Variants in ZFAND3 observed in about 807,000 individuals in gnomAD.
ZFAND3 encodes AN1-type zinc finger protein 3.
A neutral mutation model predicts 29.6 loss-of-function variants in ZFAND3; 10 were observed. The ratio of observed to expected loss-of-function variants is 0.34; its 90% CI spans 0.21 to 0.57. The LOEUF (loss-of-function observed/expected upper bound fraction) is 0.57, where lower values mean the gene tolerates loss of function less well. Among genes scored for constraint, ZFAND3 ranks in the 20% least tolerant of loss-of-function variants. The probability of loss-of-function intolerance (pLI) is 0.86; values close to 1 mark genes in which losing one functional copy is unlikely to be tolerated. For missense variants in ZFAND3, 230 were observed against 304.5 expected, an observed-to-expected ratio of 0.76 and a Z score of 1.82; for synonymous variants, 128 against 112.6, an observed-to-expected ratio of 1.14 and a Z score of -0.87.
At chr6:38,105,672 A>G (rs1401226271) in intron 4 of ZFAND3, among the ~76,000 whole-genome samples, 1 of 152,186 alleles carries the variant, frequency 6.6e-6, no homozygotes. Context: ...GTGATGTTGT[A>G]CTAGAGTTCT....
At chr6:37,927,536 T>C (rs751758511) in intron 1 of ZFAND3, among the ~76,000 whole-genome samples, 1 of 152,246 alleles carries the variant, frequency 6.6e-6, no homozygotes, top group Non-Finnish European at 1.5e-5. Context: ...GCATCCATAC[T>C]AGTCATCTCT....
In ZFAND3 at chr6:38,154,177, G is replaced by A; in HGVS notation, c.*1788G>A. 7 of 985,628 alleles carry A rather than the reference G, an allele frequency of 7.1e-6. No homozygotes were observed. Among genetic ancestry groups the A allele is most frequent in the Non-Finnish European group, 8.4e-6 (7 of 830,058 alleles). The allele number at this position is 985,628 out of a possible 1,614,324, so 61.1% of individuals were successfully genotyped here. A position where few individuals can be genotyped will look rare whatever the true frequency, so the allele number is the denominator to read the frequency against. ...AAGCCACAGCCCTTGGCCACCATAC[G>A]GGCCATCCTCAGTGAGGCAGCCCCC... On this transcript the variant is annotated 3_prime_UTR_variant, in exon 6 of 6. Transcript: ENST00000287218.
chr6:38,153,214 G>A lies in ZFAND3; in HGVS notation c.*825G>A, dbSNP rs768329809. 7 of 985,364 alleles carry A rather than the reference G, an allele frequency of 7.1e-6. No homozygotes were observed. Among genetic ancestry groups the A allele is most frequent in the East Asian group, 2.3e-4 (2 of 8,828 alleles). 61.0% of individuals were successfully genotyped at this position (985,364 alleles called of 1,614,324 possible). On this transcript the variant is annotated 3_prime_UTR_variant, in exon 6 of 6. Transcript: ENST00000287218. ...CAGATGTGGCGAATGGCAGCACAGC[G>A]CGGTGGCTGGGTCTGCACACTGGCC...
At chr6:37,850,967 C>G (rs184161825) in intron 1 of ZFAND3, among the ~76,000 whole-genome samples, 1 of 151,752 alleles carries the variant, frequency 6.6e-6, no homozygotes, top group Admixed American at 6.6e-5. Context: ...TTGGTTTTAT[C>G]TGTCTTGTCT....
At chr6:37,960,846 G>A (rs1762182629) in intron 2 of ZFAND3, among the ~76,000 whole-genome samples, 2 of 151,990 alleles carry the variant, frequency 1.3e-5, no homozygotes, top group African/African-American at 4.8e-5. Flanking sequence ...TTGGGAAGCC[G>A]AGGCAAGAGG....
At chr6:38,013,944 A>G (rs1763207451) in intron 2 of ZFAND3, among the ~76,000 whole-genome samples, 1 of 152,204 alleles carries the variant, frequency 6.6e-6, no homozygotes, top group Admixed American at 6.5e-5. Flanking sequence ...CTTTTGGGGA[A>G]AATACTTTTC....
At chr6:37,965,309 C>A (rs1487197443) in intron 2 of ZFAND3, among the ~76,000 whole-genome samples, 1 of 152,136 alleles carries the variant, frequency 6.6e-6, no homozygotes, top group Non-Finnish European at 1.5e-5. Context: ...GTAACAATTT[C>A]CAGACCGGCA....
chr6:38,110,527 G>C (rs1473406928), intron 4 of ZFAND3, among the ~76,000 whole-genome samples: 3 of 152,100 alleles, frequency 2.0e-5, no homozygotes, highest in Non-Finnish European at 4.4e-5. Flanking sequence ...CCAGCTAAAA[G>C]CTCCTTTTAA....
intron 2 of ZFAND3, among the ~76,000 whole-genome samples, chr6:37,949,492 C>T (rs1761960539): frequency 6.6e-6 from 1 of 152,130 alleles, no homozygotes; most frequent in Non-Finnish European, 1.5e-5. Context: ...CACTATCTAC[C>T]TGGAGGTGTA....
intron 2 of ZFAND3, among the ~76,000 whole-genome samples, chr6:37,969,494 A>G (rs1561950916): frequency 1.3e-5 from 2 of 152,248 alleles, no homozygotes; most frequent in African/African-American, 2.4e-5. Context: ...CTATTTTATA[A>G]TAATGTGCTG....
At chr6:37,994,601 A>G (rs541399522) in intron 2 of ZFAND3, among the ~76,000 whole-genome samples, 4 of 152,160 alleles carry the variant, frequency 2.6e-5, no homozygotes, top group South Asian at 2.1e-4. Flanking sequence ...CAGGCTGTCT[A>G]TATTTATCAA....
chr6:38,030,556 A>G (rs1326797740), intron 2 of ZFAND3, among the ~76,000 whole-genome samples: 2 of 152,192 alleles, frequency 1.3e-5, no homozygotes, highest in Non-Finnish European at 2.9e-5. Context: ...ATTTCATTCC[A>G]AGAAGCAGTG....
chr6:38,070,481 G>A (rs546197812), intron 3 of ZFAND3, among the ~76,000 whole-genome samples: 1 of 150,038 alleles, frequency 6.7e-6, no homozygotes, highest in African/African-American at 2.5e-5. Context: ...TTTTATAACT[G>A]CTTTTTAACT....
chr6:38,067,742 G>A (rs1412231112), intron 3 of ZFAND3, among the ~76,000 whole-genome samples: 1 of 152,200 alleles, frequency 6.6e-6, no homozygotes. Context: ...TTGTTCTCAA[G>A]TACAGGCAGA....
chr6:37,874,383 C>T (rs1001947352), intron 1 of ZFAND3, among the ~76,000 whole-genome samples: 1 of 151,982 alleles, frequency 6.6e-6, no homozygotes, highest in Admixed American at 6.6e-5. Flanking sequence ...GGTGTGGTGG[C>T]GCATGCCTGT....
intron 2 of ZFAND3, among the ~76,000 whole-genome samples, chr6:37,993,320 A>T (rs1285783915): frequency 6.6e-6 from 1 of 151,484 alleles, no homozygotes; most frequent in Non-Finnish European, 1.5e-5. Flanking sequence ...TTATTTTATT[A>T]TTTATTTATT....
chr6:38,017,654 G>A (rs74987919), intron 2 of ZFAND3, among the ~76,000 whole-genome samples: 10,147 of 151,826 alleles, frequency 0.067, 406 homozygotes, highest in Non-Finnish European at 0.087. Context: ...ATAGAGGAGA[G>A]ACCTGGTGTT....
chr6:38,021,242 G>C (rs2127447533), intron 2 of ZFAND3, among the ~76,000 whole-genome samples: 1 of 152,290 alleles, frequency 6.6e-6, no homozygotes, highest in Middle Eastern at 3.4e-3. Context: ...TATCCCAGCT[G>C]CCGCGATAAG....
chr6:37,891,427 G>A lies in ZFAND3; in HGVS notation c.72-38532G>A, dbSNP rs909101262. Among the ~76,000 whole-genome samples the A allele has an allele frequency of 4.0e-4, 43 of 107,490 alleles. 2 individuals carry two copies. Among genetic ancestry groups the A allele is most frequent in the African/African-American group, 1.6e-3 (35 of 22,064 alleles). The allele number at this position is 107,490 out of a possible 152,430, so 70.5% of individuals were successfully genotyped here. ...GTTGGAGATTTCAGTCCCCCCCCCC[G>A]CCTTTAAAATACAAAAATTAGCCGG... On this transcript the variant is annotated intron_variant, in intron 1 of 5. Coordinates refer to ENST00000287218, the MANE Select transcript of ZFAND3 (RefSeq NM_021943.3).
Sources: allele counts gnomAD v4.1 joint callset (sites outside exome capture counted in the v4.1 genomes callset), GRCh38; gene constraint gnomAD v4.1.1; transcripts MANE v1.5; gene names NCBI Gene and HGNC (gene_info 2026-07-23, HGNC 2026-07-21).